The following AHCYL1 variants were observed in gnomAD, a reference collection of about 807,000 sequenced individuals.
AHCYL1 encodes the protein adenosylhomocysteinase like 1.
A neutral mutation model predicts 79.3 loss-of-function variants in AHCYL1; 20 were observed. That is an observed-to-expected ratio of 0.25 (90% CI 0.18 to 0.37). The LOEUF is 0.37. Ranked by LOEUF, AHCYL1 falls within the 10% of genes least tolerant of loss-of-function variation. AHCYL1 has a pLI of 1.00. For missense variants in AHCYL1, 330 were observed against 673.6 expected (o/e 0.49, Z 5.65); for synonymous variants, 223 against 242.2 (o/e 0.92, Z 0.74).
rs772817353 is a variant in AHCYL1 at position 110,012,345 on chromosome 1, C to T, written c.377-17C>T. 1 of 1,610,748 alleles carries T rather than the reference C, an allele frequency of 6.2e-7. No homozygotes were observed. The highest frequency in any genetic ancestry group is 8.5e-7 in the Non-Finnish European group (1 of 1,177,860). ...CTGCTAGTGCAGACCTAGCTCAAAT[C>T]CTCTGTTCTTTCACAGACATGTCTG... is the stretch of plus-strand genomic sequence containing the variant. On this transcript the variant is annotated splice_polypyrimidine_tract_variant and intron_variant, in intron 3 of 16. Coordinates refer to ENST00000369799, the MANE Select transcript of AHCYL1 (RefSeq NM_006621.7).
At chr1:110,007,815 GT>G (rs1164021580) in intron 1 of AHCYL1, among the ~76,000 whole-genome samples, 1 of 152,148 alleles carries the variant, frequency 6.6e-6, no homozygotes, top group Non-Finnish European at 1.5e-5. Flanking sequence ...CAGGGGTGAA[GT>G]TTATTTTATT....
Position 110,017,591 on chromosome 1 carries a change from C to T in AHCYL1, c.1052+8C>T, listed in dbSNP as rs754386294. 43 of 1,611,876 alleles carry T rather than the reference C, an allele frequency of 2.7e-5. No homozygotes were observed. In the East Asian group the frequency reaches 7.1e-4, roughly 27 times the overall value. ...CTGTGCTCTGCAGGCCTGGTAAGAA[C>T]AGAGTGATAATACTATTAGATTCAC... On this transcript the variant is annotated splice_region_variant and intron_variant, in intron 10 of 16. Transcript: ENST00000369799.
intron 1 of AHCYL1, among the ~76,000 whole-genome samples, chr1:109,996,041 T>C (rs1168582414): frequency 1.3e-5 from 2 of 152,092 alleles, no homozygotes; most frequent in Non-Finnish European, 2.9e-5. Flanking sequence ...CCAACATCTC[T>C]ACTAAAAATA....
At chr1:110,016,490 C>G in intron 8 of AHCYL1, 30 bp downstream of exon 8, 2 of 1,592,350 alleles carry the variant, frequency 1.3e-6, no homozygotes, top group Admixed American at 1.7e-5. Flanking sequence ...ATTCAAACTT[C>G]TAGGGGCTCT....
intron 7 of AHCYL1, among the ~76,000 whole-genome samples, chr1:110,016,123 CTTT>C (rs145081118): frequency 6.8e-6 from 1 of 147,006 alleles, no homozygotes; most frequent in East Asian, 2.0e-4. Flanking sequence ...AATTGAAAGG[CTTT>C]TTTTTTTCTT....
intron 1 of AHCYL1, among the ~76,000 whole-genome samples, chr1:110,006,584 G>C (rs1650672991): frequency 6.6e-6 from 1 of 152,160 alleles, no homozygotes; most frequent in African/African-American, 2.4e-5. Context: ...TGGCAGCAGT[G>C]TTTATATTTT....
chr1:109,985,100 G>C lies in AHCYL1; in HGVS notation c.48G>C (p.Leu16=). The change falls in exon 1 of 17, where the codon CTG becomes CTC. Residue 16 remains leucine, a synonymous_variant. Coordinates refer to ENST00000369799, the MANE Select transcript of AHCYL1 (RefSeq NM_006621.7). ...CGCTGCCCGGGGTCGGGGAGGAGCT[G>C]AAGCAGGCCAAGGAGATCGAGGACG... The part of the protein sequence containing the change: ...AMPLPGVGEE[L]KQAKEIEDAE... 1 of 1,610,784 alleles carries C rather than the reference G, an allele frequency of 6.2e-7. No homozygotes were observed. Among genetic ancestry groups the C allele is most frequent in the Non-Finnish European group, 8.5e-7 (1 of 1,178,918 alleles).
At chr1:109,994,344 T>C (rs2101698218) in intron 1 of AHCYL1, among the ~76,000 whole-genome samples, 1 of 152,232 alleles carries the variant, frequency 6.6e-6, no homozygotes, top group South Asian at 2.1e-4. Flanking sequence ...CTCACTGCAA[T>C]CTCCACCTCC....
At chr1:109,986,688 A>C (rs1204295000) in intron 1 of AHCYL1, among the ~76,000 whole-genome samples, 2 of 152,220 alleles carry the variant, frequency 1.3e-5, no homozygotes, top group Non-Finnish European at 2.9e-5. Context: ...ACTTGCCTTT[A>C]TGTTAGTAAA....
intron 1 of AHCYL1, among the ~76,000 whole-genome samples, chr1:110,007,984 G>A (rs1487345353): frequency 6.8e-6 from 1 of 146,848 alleles, no homozygotes; most frequent in African/African-American, 2.5e-5. Flanking sequence ...GAATTATCTA[G>A]TTCTGGCTTA....
intron 1 of AHCYL1, among the ~76,000 whole-genome samples, chr1:109,993,346 T>C (rs1280639978): frequency 6.6e-6 from 1 of 152,246 alleles, no homozygotes; most frequent in African/African-American, 2.4e-5. Flanking sequence ...TGACCTGATA[T>C]TTGAATTTTA....
chr1:109,993,202 T>A (rs1185107601), intron 1 of AHCYL1, among the ~76,000 whole-genome samples: 1 of 152,224 alleles, frequency 6.6e-6, no homozygotes, highest in African/African-American at 2.4e-5. Context: ...CAGAGCTGAT[T>A]CCGTAGGAGT....
Position 110,019,042 on chromosome 1 carries a change from C to T in AHCYL1, c.1318-9C>T. 1 of 1,614,064 alleles carries T rather than the reference C, an allele frequency of 6.2e-7. No individual in the cohort carries two copies. Among genetic ancestry groups the T allele is most frequent in the African/African-American group, 1.3e-5 (1 of 75,040 alleles). On this transcript the variant is annotated splice_polypyrimidine_tract_variant and intron_variant, in intron 13 of 16. Transcript: ENST00000369799. ...GAGCTCATCCCAGGGCTCTCTCTTA[C>T]CTTTCCAGGGTCGTCTACTCAATTT...
At chr1:110,021,277 A>G (rs957630794) in intron 16 of AHCYL1, among the ~76,000 whole-genome samples, 4 of 152,214 alleles carry the variant, frequency 2.6e-5, no homozygotes, top group Non-Finnish European at 4.4e-5. Context: ...TGTTCCAGTT[A>G]ACAAGGTAGA....
At chr1:110,013,637 G>A (rs1483860915) in intron 5 of AHCYL1, among the ~76,000 whole-genome samples, 2 of 151,870 alleles carry the variant, frequency 1.3e-5, no homozygotes, top group East Asian at 2.0e-4. Context: ...TTGAACCTGG[G>A]AGGCAGAGGC....
intron 2 of AHCYL1, among the ~76,000 whole-genome samples, chr1:110,009,585 G>A (rs1650889596): frequency 6.6e-6 from 1 of 152,172 alleles, no homozygotes; most frequent in Non-Finnish European, 1.5e-5. Context: ...AATAAAATTA[G>A]TATTTTGGCT....
In AHCYL1 at chr1:110,017,487, T is replaced by C; in HGVS notation, c.964-8T>C. 1 of 1,613,936 alleles carries C rather than the reference T, an allele frequency of 6.2e-7. No homozygotes were observed. The highest frequency in any genetic ancestry group is 8.5e-7 in the Non-Finnish European group (1 of 1,179,890). On this transcript the variant is annotated splice_polypyrimidine_tract_variant and splice_region_variant and intron_variant, in intron 9 of 16. Coordinates refer to ENST00000369799, the MANE Select transcript of AHCYL1 (RefSeq NM_006621.7). ...ACCTAACGACTTGACCTTTCTTTTG[T>C]TCTGCAGGTAGGCAAGGGCTGCTGT...
chr1:110,010,061 G>A (rs1342828518), intron 2 of AHCYL1, among the ~76,000 whole-genome samples: 1 of 152,222 alleles, frequency 6.6e-6, no homozygotes, highest in African/African-American at 2.4e-5. Flanking sequence ...ATCCTGGAGT[G>A]ACAGATAAAA....
intron 1 of AHCYL1, among the ~76,000 whole-genome samples, chr1:109,986,324 CTTT>C (rs5776998): frequency 7.4e-5 from 11 of 147,664 alleles, no homozygotes; most frequent in African/African-American, 1.2e-4. Context: ...AGAGATGGCT[CTTT>C]TTTTTTTTTT....
Sources: allele counts gnomAD v4.1 joint callset (sites outside exome capture counted in the v4.1 genomes callset), GRCh38; gene constraint gnomAD v4.1.1; transcripts MANE v1.5; gene names NCBI Gene and HGNC (gene_info 2026-07-23, HGNC 2026-07-21).